STK26: variants seen among roughly 807,000 people sequenced by gnomAD.
STK26 encodes the protein serine/threonine kinase 26.
In STK26, 14 loss-of-function variants were observed where a neutral mutation model predicts 34.7. The ratio of observed to expected loss-of-function variants is 0.40; its 90% CI spans 0.27 to 0.63. The LOEUF (loss-of-function observed/expected upper bound fraction) is 0.63, where lower values mean the gene tolerates loss of function less well. Among genes scored for constraint, STK26 ranks in the 30% least tolerant of loss-of-function variants. STK26 has a pLI of 0.38. For synonymous variants in STK26, 100 were observed against 109.8 expected (o/e 0.91, Z 0.56); for missense variants, 226 against 309.1 (o/e 0.73, Z 2.02).
Position 132,023,643 on chromosome X carries a change from A to G in STK26, c.26A>G (p.Gln9Arg), listed in dbSNP as rs56035648. Residue 9 changes from glutamine (Q) to arginine (R), a missense_variant, in exon 2 of 12, where the codon CAA (glutamine) becomes CGA (arginine). Physicochemically the swap from Gln to Arg is conservative, Grantham distance 43 (BLOSUM62 1). Around this residue, in one of 2 missense-constraint regions of STK26, gnomAD observed 100 missense variants for 176.7 expected, o/e 0.57. Coordinates refer to ENST00000394334, the MANE Select transcript of STK26 (RefSeq NM_016542.4). MAHSPVAV[Q>R]VPGMQNNIAD... ...ATGGCCCACTCGCCGGTGGCTGTCC[A>G]AGTGCCTGGGATGCAGGTGAGGAAG... 6.8e-6 allele frequency: 8 copies of G among 1,179,241 alleles called. No homozygotes were observed. In the East Asian group the frequency reaches 1.6e-4, roughly 23 times the overall value.
In STK26 at chrX:132,047,971, A is replaced by C. The variant is rs1268121461; in HGVS notation, c.43-6660A>C. On this transcript the variant is annotated intron_variant, in intron 2 of 11. Transcript: ENST00000394334. ...AGCATACTGTCTTGCAGGATCATCCATGTTGTTGCAAATGATTGGTAAAAG... is the reference window on the plus strand; with the variant it reads ...AGCATACTGTCTTGCAGGATCATCCCTGTTGTTGCAAATGATTGGTAAAAG... Among the ~76,000 whole-genome samples the C allele has an allele frequency of 3.6e-5, 4 of 111,553 alleles. No homozygotes were observed. The East Asian group carries it at 1.1e-3, about 31-fold the overall frequency.
chrX:132,042,562 C>T (rs1926305231), intron 2 of STK26, among the ~76,000 whole-genome samples: 1 of 111,236 alleles, frequency 9.0e-6, no homozygotes, highest in Admixed American at 9.6e-5. Flanking sequence ...TAAGTGTATT[C>T]TTATTTATTA....
At chrX:132,064,533 A>G (rs1467383252) in intron 4 of STK26, among the ~76,000 whole-genome samples, 1 of 111,642 alleles carries the variant, frequency 9.0e-6, no homozygotes, top group Non-Finnish European at 1.9e-5. Context: ...TTAATATGAT[A>G]CTATGTTTTA....
chrX:132,033,151 G>A (rs368276221), intron 2 of STK26, among the ~76,000 whole-genome samples: 27 of 111,127 alleles, frequency 2.4e-4, no homozygotes, highest in African/African-American at 8.8e-4. Context: ...ATCAGGTGGA[G>A]CATAAGCTGT....
intron 2 of STK26, among the ~76,000 whole-genome samples, chrX:132,028,330 G>A (rs1281643069): frequency 9.0e-6 from 1 of 111,539 alleles, no homozygotes. Flanking sequence ...TGTTTAATAG[G>A]AGGGAACTGG....
chrX:132,072,470 G>A (rs757693196), intron 9 of STK26, 109 bp downstream of exon 9: 27 of 624,223 alleles, frequency 4.3e-5, no homozygotes, highest in Non-Finnish European at 6.3e-5. Flanking sequence ...ATGCCTGTCT[G>A]CCTCACTGTG....
intron 2 of STK26, among the ~76,000 whole-genome samples, chrX:132,027,861 AT>A (rs1323325195): frequency 7.4e-4 from 76 of 102,685 alleles, no homozygotes; most frequent in African/African-American, 1.4e-3. Flanking sequence ...TTCTTTTTTA[AT>A]TTTTTTTTTT....
intron 2 of STK26, among the ~76,000 whole-genome samples, chrX:132,034,522 C>T (rs1401063404): frequency 9.1e-6 from 1 of 109,642 alleles, no homozygotes; most frequent in Non-Finnish European, 1.9e-5. Context: ...TCTCGATCTC[C>T]TGACCTCGTG....
At position 132,023,410 on chromosome X, in the gene STK26, A is replaced by G; in HGVS notation, c.-111+3A>G. Reference sequence around the variant, plus strand: ...AGCGGCGGGCGGGCGCCAGAAAGGTAGACTGAGTCCCAGGGAGCTGCGCCG... The same window carrying G: ...AGCGGCGGGCGGGCGCCAGAAAGGTGGACTGAGTCCCAGGGAGCTGCGCCG... On this transcript the variant is annotated splice_donor_region_variant and intron_variant, in intron 1 of 11. Transcript: ENST00000394334. 1 of 550,347 alleles carries G rather than the reference A, an allele frequency of 1.8e-6. No individual in the cohort carries two copies. Among genetic ancestry groups the G allele is most frequent in the Non-Finnish European group, 3.2e-6 (1 of 309,305 alleles). 45.4% of individuals were successfully genotyped at this position (550,347 alleles called of 1,213,427 possible). A position where few individuals can be genotyped will look rare whatever the true frequency, so the allele number is the denominator to read the frequency against.
intron 2 of STK26, among the ~76,000 whole-genome samples, chrX:132,036,749 TGATA>T (rs1056793713): frequency 2.7e-5 from 3 of 111,601 alleles, no homozygotes; most frequent in African/African-American, 9.8e-5. Context: ...CTGGGGAAAA[TGATA>T]GATAGATAAA....
intron 2 of STK26, among the ~76,000 whole-genome samples, chrX:132,039,147 A>G (rs1217476966): frequency 9.0e-6 from 1 of 111,330 alleles, no homozygotes; most frequent in East Asian, 2.8e-4. Flanking sequence ...AACTAGACGT[A>G]TCTTAATTTG....
intron 2 of STK26, among the ~76,000 whole-genome samples, chrX:132,026,451 A>T (rs1935102285): frequency 8.9e-6 from 1 of 111,901 alleles, no homozygotes; most frequent in Non-Finnish European, 1.9e-5. Flanking sequence ...TAACTAGAGG[A>T]ATTTTCCATA....
rs948123470 is a variant in STK26 at position 132,074,272 on chromosome X, C to T, written c.*113C>T. The T allele has an allele frequency of 4.3e-6, 3 of 705,846 alleles. No individual in the cohort carries two copies. In the Admixed American group the frequency reaches 1.0e-4, roughly 25 times the overall value. 58.2% of individuals were successfully genotyped at this position (705,846 alleles called of 1,213,427 possible). A position where few individuals can be genotyped will look rare whatever the true frequency, so the allele number is the denominator to read the frequency against. On this transcript the variant is annotated 3_prime_UTR_variant, in exon 12 of 12. Transcript: ENST00000394334. ...CCATGTGCCTTTTGGATCTTTGCAACACTGAAGATTTGGAAGAAGCTATTA... is the reference window on the plus strand; with the variant it reads ...CCATGTGCCTTTTGGATCTTTGCAATACTGAAGATTTGGAAGAAGCTATTA...
At chrX:132,036,492 G>A (rs1038248402) in intron 2 of STK26, among the ~76,000 whole-genome samples, 15 of 111,578 alleles carry the variant, frequency 1.3e-4, no homozygotes, top group Non-Finnish European at 1.9e-4. Context: ...CTGCTCATGA[G>A]GCTGAGGGAG....
At chrX:132,034,292 C>T (rs1015855216) in intron 2 of STK26, among the ~76,000 whole-genome samples, 288 of 41,214 alleles carry the variant, frequency 7.0e-3, no homozygotes, top group Admixed American at 0.017. Context: ...GACATTTATT[C>T]TTTTTTTTTT....
intron 2 of STK26, among the ~76,000 whole-genome samples, chrX:132,044,804 GATCTATATATATATTTATATATAT>G (rs1312663581): frequency 1.9e-4 from 10 of 52,078 alleles, no homozygotes; most frequent in African/African-American, 7.1e-4. Flanking sequence ...TATAGAGAGA[GATCTATATATATATTTATATATAT>G]AGAGAGAGAT....
In STK26 at chrX:132,023,544, C is replaced by A; in HGVS notation, c.-74C>A. ...AAAGCCTGGGAGGGCCGCCGAACTACCCCCGGAGGGAGGAGCCAGTCCGAA... is the reference window on the plus strand; with the variant it reads ...AAAGCCTGGGAGGGCCGCCGAACTAACCCCGGAGGGAGGAGCCAGTCCGAA... On this transcript the variant is annotated 5_prime_UTR_variant, in exon 2 of 12. Coordinates refer to ENST00000394334, the MANE Select transcript of STK26 (RefSeq NM_016542.4). 2 of 1,131,209 alleles carry A rather than the reference C, an allele frequency of 1.8e-6. No individual in the cohort carries two copies. Among genetic ancestry groups the A allele is most frequent in the Non-Finnish European group, 2.4e-6 (2 of 840,744 alleles). The allele number at this position is 1,131,209 out of a possible 1,213,427, so 93.2% of individuals were successfully genotyped here. A position where few individuals can be genotyped will look rare whatever the true frequency, so the allele number is the denominator to read the frequency against.
At chrX:132,060,565 G>GTT (rs751730861) in intron 3 of STK26, among the ~76,000 whole-genome samples, 2 of 105,817 alleles carry the variant, frequency 1.9e-5, no homozygotes, top group South Asian at 8.2e-4. Flanking sequence ...TTGATTTTGT[G>GTT]TTTTTTTTGT....
chrX:132,057,455 ATTCTTTCT>A (rs1412312108), intron 3 of STK26, among the ~76,000 whole-genome samples: 1 of 111,016 alleles, frequency 9.0e-6, no homozygotes, highest in Non-Finnish European at 1.9e-5. Context: ...CTGTGGAGTT[ATTCTTTCT>A]TTTTTGCTCC....
Sources: gnomAD v4.1 joint callset for allele counts (sites outside exome capture counted in the v4.1 genomes callset) on GRCh38, gnomAD v4.1.1 for gene constraint, gnomAD v4.1.1 regional missense constraint, MANE v1.5 for transcripts, NCBI Gene and HGNC (gene_info 2026-07-23, HGNC 2026-07-21) for gene names.